MTUS1: variants seen among roughly 807,000 people sequenced by gnomAD.
The protein encoded by MTUS1 is microtubule associated scaffold protein 1.
MTUS1 carries 109 observed loss-of-function variants against 120.8 expected under a neutral mutation model. The observed-to-expected ratio is 0.90, with a 90% confidence interval of 0.77 to 1.06. The LOEUF (loss-of-function observed/expected upper bound fraction) is 1.06, where lower values mean the gene tolerates loss of function less well. MTUS1 is among the 50% of genes least tolerant of loss of function. MTUS1 has a pLI of 0.00. For synonymous variants in MTUS1, 737 were observed against 550.5 expected, an observed-to-expected ratio of 1.34 and a Z score of -4.74; for missense variants, 2,210 against 1,486.3, an observed-to-expected ratio of 1.49 and a Z score of -8.01.
At chr8:17,648,776 G>A (rs1482791072) in intron 13 of MTUS1, among the ~76,000 whole-genome samples, 1 of 152,248 alleles carries the variant, frequency 6.6e-6, no homozygotes, top group East Asian at 1.9e-4. Context: ...GTTTGGGTTT[G>A]AATGAGGCAC....
chr8:17,781,811 G>A (rs569831472), intron 1 of MTUS1, among the ~76,000 whole-genome samples: 2 of 152,268 alleles, frequency 1.3e-5, no homozygotes, highest in South Asian at 2.1e-4. Flanking sequence ...CCTCTTTGTA[G>A]GCTGTGGCTA....
At position 17,755,888 on chromosome 8, in the gene MTUS1, T is replaced by C; in HGVS notation, c.-81A>G. ...ATGAGAGGGTGGGCAAAATGGTCTG[T>C]CTTCTAGGTTTTTCAGCACAGTTGA... On this transcript the variant is annotated 5_prime_UTR_variant, in exon 2 of 15. Coordinates refer to ENST00000693296, the MANE Select transcript of MTUS1 (RefSeq NM_001363059.2). 1 of 1,511,428 alleles carries C rather than the reference T, an allele frequency of 6.6e-7. No homozygotes were observed. Among genetic ancestry groups the C allele is most frequent in the East Asian group, 2.3e-5 (1 of 44,226 alleles). 93.6% of individuals were successfully genotyped at this position (1,511,428 alleles called of 1,614,324 possible).
At chr8:17,763,469 A>G (rs185794170) in intron 1 of MTUS1, among the ~76,000 whole-genome samples, 4 of 152,282 alleles carry the variant, frequency 2.6e-5, no homozygotes, top group East Asian at 1.9e-4. Flanking sequence ...TTTAATTTGT[A>G]TAACACTCCT....
chr8:17,732,996 C>G (rs1371184476), intron 3 of MTUS1, among the ~76,000 whole-genome samples: 1 of 152,146 alleles, frequency 6.6e-6, no homozygotes, highest in Admixed American at 6.6e-5. Flanking sequence ...TCAGAGTGAT[C>G]CCATTAACAT....
chr8:17,757,936 A>C (rs2048747475), intron 1 of MTUS1, among the ~76,000 whole-genome samples: 1 of 152,184 alleles, frequency 6.6e-6, no homozygotes, highest in Non-Finnish European at 1.5e-5. Flanking sequence ...TGAATCCTAA[A>C]ATGAGGGCTG....
chr8:17,750,560 G>C (rs929732181), intron 2 of MTUS1, among the ~76,000 whole-genome samples: 2 of 152,200 alleles, frequency 1.3e-5, no homozygotes, highest in African/African-American at 4.8e-5. Context: ...GGCTCTGAGT[G>C]TGAATCCCAA....
At chr8:17,711,434 A>G (rs1462214363) in intron 6 of MTUS1, among the ~76,000 whole-genome samples, 1 of 149,744 alleles carries the variant, frequency 6.7e-6, no homozygotes, top group African/African-American at 2.5e-5. Flanking sequence ...CTCATGAACC[A>G]ACCTCTGCTA....
intron 1 of MTUS1, among the ~76,000 whole-genome samples, chr8:17,767,237 A>G (rs1586278224): frequency 6.6e-6 from 1 of 151,066 alleles, no homozygotes; most frequent in East Asian, 1.9e-4. Context: ...ACAGTTTCAT[A>G]AATCTTTTAG....
intron 4 of MTUS1, among the ~76,000 whole-genome samples, chr8:17,717,476 T>C (rs1822564041): frequency 6.6e-6 from 1 of 152,228 alleles, no homozygotes; most frequent in Non-Finnish European, 1.5e-5. Flanking sequence ...AACCATGGAA[T>C]TATAACAATC....
intron 1 of MTUS1, among the ~76,000 whole-genome samples, chr8:17,784,543 C>T (rs2051143056): frequency 6.6e-6 from 1 of 152,202 alleles, no homozygotes; most frequent in South Asian, 2.1e-4. Context: ...GATCTGCCTG[C>T]CTCGGCCTCC....
chr8:17,737,640 A>G (rs1182027757), intron 3 of MTUS1, among the ~76,000 whole-genome samples: 1 of 152,086 alleles, frequency 6.6e-6, no homozygotes, highest in African/African-American at 2.4e-5. Flanking sequence ...AGTGTGTGCC[A>G]CTTGCCCAGC....
chr8:17,723,665 G>T lies in MTUS1; in HGVS notation c.2449+7C>A. On this transcript the variant is annotated splice_region_variant and intron_variant, in intron 4 of 14. Transcript: ENST00000693296. ...AACCCCCGAAGTGTGATATAAAGTC[G>T]ACTTACAATTGTTGCTGTAAGTGCT... The T allele has an allele frequency of 6.2e-7, 1 of 1,606,094 alleles. No individual in the cohort carries two copies. The highest frequency in any genetic ancestry group is 1.1e-5 in the South Asian group (1 of 90,872).
intron 5 of MTUS1, among the ~76,000 whole-genome samples, chr8:17,715,024 G>C (rs543902082): frequency 6.9e-6 from 1 of 143,992 alleles, no homozygotes; most frequent in South Asian, 2.3e-4. Flanking sequence ...TCATGCCTCA[G>C]CCTCATGAGT....
intron 7 of MTUS1, among the ~76,000 whole-genome samples, chr8:17,678,306 G>C (rs888994841): frequency 6.6e-6 from 1 of 152,076 alleles, no homozygotes; most frequent in African/African-American, 2.4e-5. Context: ...TAACCGTCTA[G>C]ATAACAGGTT....
At chr8:17,795,771 C>T (rs369592844) in intron 1 of MTUS1, among the ~76,000 whole-genome samples, 8 of 151,540 alleles carry the variant, frequency 5.3e-5, no homozygotes, top group African/African-American at 1.5e-4. Context: ...TCCCACGTAG[C>T]GGGGATATAA....
Position 17,723,264 on chromosome 8 carries a change from G to T in MTUS1, c.2449+408C>A, listed in dbSNP as rs754098425. 1.0e-4 allele frequency: 19 copies of T among 184,050 alleles called. 2 individuals carry two copies. The highest frequency in any genetic ancestry group is 2.0e-4 in the Non-Finnish European group (17 of 86,284). The allele number at this position is 184,050 out of a possible 1,614,324, so 11.4% of individuals were successfully genotyped here. ...AATTCTCCTGAGTTTCAATTTTTTA[G>T]AATTAGGATTCAAGTTATATTAGTC... On this transcript the variant is annotated intron_variant, in intron 4 of 14. Transcript: ENST00000693296.
At chr8:17,650,742 CA>C (rs1271430745) in intron 12 of MTUS1, among the ~76,000 whole-genome samples, 1 of 152,192 alleles carries the variant, frequency 6.6e-6, no homozygotes, top group Non-Finnish European at 1.5e-5. Context: ...AATGCTACAT[CA>C]GGGGAGGCGT....
chr8:17,653,463 G>T lies in MTUS1; in HGVS notation c.3250C>A (p.Leu1084Ile). ...TGCTTCTCAGAAAGTAAATCTTCAA[G>T]CGATTTCTTTTCTATTTCATGGCCT... is the stretch of plus-strand genomic sequence containing the variant. ...KKGHEIEKKS[L>I]EDLLSEKQES... is the part of the protein sequence containing the mutation. Residue 1084 changes from leucine to isoleucine, a missense_variant, in exon 11 of 15, where the codon CTT becomes ATT. By Grantham distance (5) the Leu-to-Ile change is conservative. Transcript: ENST00000693296. 3 of 1,612,378 alleles carry T rather than the reference G, an allele frequency of 1.9e-6. No homozygotes were observed. The highest frequency in any genetic ancestry group is 2.5e-6 in the Non-Finnish European group (3 of 1,179,284).
intron 8 of MTUS1, among the ~76,000 whole-genome samples, chr8:17,660,949 C>T (rs950908350): frequency 4.6e-5 from 7 of 152,168 alleles, no homozygotes; most frequent in East Asian, 1.9e-4. Flanking sequence ...GGCCATCGCA[C>T]GCAACTCAAG....
Sources: gnomAD v4.1 joint callset for allele counts (sites outside exome capture counted in the v4.1 genomes callset) on GRCh38, gnomAD v4.1.1 for gene constraint, MANE v1.5 for transcripts, NCBI Gene and HGNC (gene_info 2026-07-23, HGNC 2026-07-21) for gene names.